TENM2: variants seen among roughly 807,000 people sequenced by gnomAD.
TENM2 encodes teneurin-2.
A neutral mutation model predicts 245.2 loss-of-function variants in TENM2; 52 were observed. That is an observed-to-expected ratio of 0.21 (90% CI 0.17 to 0.27). The LOEUF (loss-of-function observed/expected upper bound fraction) is 0.27, where lower values mean the gene tolerates loss of function less well. Among genes scored for constraint, TENM2 ranks in the 10% least tolerant of loss-of-function variants. TENM2 has a pLI of 1.00. For synonymous variants in TENM2, 1,363 were observed against 1,438.9 expected, an observed-to-expected ratio of 0.95 and a Z score of 1.19; for missense variants, 3,046 against 3,666.8, an observed-to-expected ratio of 0.83 and a Z score of 4.37.
chr5:167,273,971 A>C, the TENM2 span, among the ~76,000 whole-genome samples: 1 of 152,096 alleles, frequency 6.6e-6, no homozygotes, highest in African/African-American at 2.4e-5. Context: ...TAATACAGAG[A>C]TATCCAATGG....
chr5:167,448,599 T>G (rs1304768891), intron 2 of TENM2, among the ~76,000 whole-genome samples: 1 of 150,804 alleles, frequency 6.6e-6, no homozygotes, highest in Non-Finnish European at 1.5e-5. Flanking sequence ...AAAATTTGAT[T>G]AGGGATGTGC....
chr5:167,591,406 T>G (rs975881282), intron 2 of TENM2, among the ~76,000 whole-genome samples: 1 of 152,230 alleles, frequency 6.6e-6, no homozygotes, highest in Non-Finnish European at 1.5e-5. Context: ...ATATATAATC[T>G]ATTACTCAAC....
At chr5:167,515,483 G>A (rs1258350366) in intron 2 of TENM2, among the ~76,000 whole-genome samples, 1 of 151,140 alleles carries the variant, frequency 6.6e-6, no homozygotes, top group Non-Finnish European at 1.5e-5. Context: ...TTGCCAATGG[G>A]TTCCAATAGC....
intron 25 of TENM2, among the ~76,000 whole-genome samples, chr5:168,238,290 A>AAAAG (rs1765788562): frequency 4.0e-5 from 6 of 150,870 alleles, no homozygotes; most frequent in African/African-American, 1.5e-4. Context: ...AAAAGAAAAG[A>AAAAG]AAAGAAAAGA....
intron 2 of TENM2, among the ~76,000 whole-genome samples, chr5:167,634,449 G>A (rs902855332): frequency 1.3e-5 from 2 of 150,918 alleles, no homozygotes; most frequent in Non-Finnish European, 2.9e-5. Context: ...CAAAGAAGGT[G>A]CTCCATAAAT....
rs549731149 is a variant in TENM2, at chr5:167,385,372, A to AT, written c.502+9907dup. On this transcript the variant is annotated intron_variant, in intron 2 of 28. Transcript: ENST00000518659. ...TTTTAATCAGACTTGAAAGAGATCT[A>AT]TTTTTTTTCAAGCTTTCTGCTTGTC... Among the ~76,000 whole-genome samples the AT allele has an allele frequency of 1.2e-3, 173 of 140,394 alleles. 1 individual carries two copies. The highest frequency in any genetic ancestry group is 4.3e-3 in the African/African-American group (163 of 37,646). The allele number at this position is 140,394 out of a possible 152,430, so 92.1% of individuals were successfully genotyped here. A position where few individuals can be genotyped will look rare whatever the true frequency, so the allele number is the denominator to read the frequency against.
the TENM2 span, among the ~76,000 whole-genome samples, chr5:167,100,393 G>C: frequency 6.6e-5 from 10 of 152,056 alleles, no homozygotes. Flanking sequence ...GTCACCCGGC[G>C]CTCACTGGCC....
chr5:167,565,492 T>C (rs1773850151), intron 2 of TENM2, among the ~76,000 whole-genome samples: 1 of 152,254 alleles, frequency 6.6e-6, no homozygotes. Flanking sequence ...ACTCTATTAA[T>C]TGGTGCCCCA....
intron 2 of TENM2, among the ~76,000 whole-genome samples, chr5:167,863,183 G>A (rs557976200): frequency 2.6e-5 from 4 of 152,324 alleles, no homozygotes; most frequent in East Asian, 1.9e-4. Context: ...GAAGGATTTC[G>A]TAAATTACAA....
the TENM2 span, among the ~76,000 whole-genome samples, chr5:167,117,618 GT>G: frequency 7.2e-5 from 11 of 152,296 alleles, no homozygotes; most frequent in African/African-American, 2.6e-4. Context: ...TAGGTCTGGT[GT>G]TTAGACCTTA....
chr5:167,095,135 A>G, the TENM2 span, among the ~76,000 whole-genome samples: 2 of 152,212 alleles, frequency 1.3e-5, no homozygotes, highest in African/African-American at 2.4e-5. Context: ...CTCCAATCAC[A>G]GAGCTTACTT....
intron 2 of TENM2, among the ~76,000 whole-genome samples, chr5:167,748,501 C>T (rs779578822): frequency 1.8e-4 from 27 of 152,134 alleles, no homozygotes; most frequent in Non-Finnish European, 2.2e-4. Context: ...ACCTCAGCCT[C>T]TTCAGTAGTT....
intron 2 of TENM2, among the ~76,000 whole-genome samples, chr5:167,866,539 C>T (rs1054165818): frequency 6.6e-6 from 1 of 150,964 alleles, no homozygotes; most frequent in Non-Finnish European, 1.5e-5. Flanking sequence ...AAAGAGAGAG[C>T]ACCTTCCATG....
chr5:167,542,003 C>T (rs1368378), intron 2 of TENM2, among the ~76,000 whole-genome samples: 105,153 of 152,002 alleles, frequency 0.69, 36,916 homozygotes, highest in East Asian at 0.88. Context: ...TTTTAGTCAA[C>T]GGTCACTCTG....
At chr5:167,728,066 G>A (rs2337019) in intron 2 of TENM2, among the ~76,000 whole-genome samples, 23,422 of 152,132 alleles carry the variant, frequency 0.15, 1,947 homozygotes, top group African/African-American at 0.19. Context: ...TGGGTTACTT[G>A]AAAAGAAGGC....
intron 2 of TENM2, among the ~76,000 whole-genome samples, chr5:167,751,988 G>T (rs182072589): frequency 6.6e-6 from 1 of 151,694 alleles, no homozygotes; most frequent in African/African-American, 2.4e-5. Context: ...GCGCGCACAC[G>T]ATTGTGCAAA....
At chr5:168,026,657 G>A (rs866324304) in intron 5 of TENM2, among the ~76,000 whole-genome samples, 1 of 152,160 alleles carries the variant, frequency 6.6e-6, no homozygotes, top group Non-Finnish European at 1.5e-5. Context: ...GCACAGCTAT[G>A]TTACTTAACC....
the TENM2 span, among the ~76,000 whole-genome samples, chr5:167,092,077 G>T: frequency 2.6e-5 from 4 of 152,144 alleles, no homozygotes; most frequent in African/African-American, 9.7e-5. Context: ...TAAATGAGAG[G>T]TTGGGAAACT....
At chr5:167,014,768 G>T in the TENM2 span, among the ~76,000 whole-genome samples, 5 of 152,290 alleles carry the variant, frequency 3.3e-5, no homozygotes, top group South Asian at 1.0e-3. Flanking sequence ...ATTCAACGCT[G>T]CTTAGAGTCT....
Sources: allele counts gnomAD v4.1 joint callset (sites outside exome capture counted in the v4.1 genomes callset), GRCh38; gene constraint gnomAD v4.1.1; transcripts MANE v1.5; gene names NCBI Gene and HGNC (gene_info 2026-07-23, HGNC 2026-07-21).